Variants in ATXN10 observed in about 807,000 individuals in gnomAD.
ATXN10 encodes ataxin 10.
A neutral mutation model predicts 52.9 loss-of-function variants in ATXN10; 28 were observed. That is an observed-to-expected ratio of 0.53 (90% CI 0.39 to 0.73). The LOEUF (loss-of-function observed/expected upper bound fraction) is 0.73, where lower values mean the gene tolerates loss of function less well. Among genes scored for constraint, ATXN10 ranks in the 30% least tolerant of loss-of-function variants. The pLI, the probability that ATXN10 is intolerant of heterozygous loss-of-function variation, is 0.00. For missense variants in ATXN10, 565 were observed against 577.0 expected, an observed-to-expected ratio of 0.98 and a Z score of 0.21; for synonymous variants, 226 against 221.5, an observed-to-expected ratio of 1.02 and a Z score of -0.18.
At position 45,791,489 on chromosome 22, in the gene ATXN10, C is replaced by CA. The variant is rs907068300; in HGVS notation, c.1174-15462dup. On this transcript the variant is annotated intron_variant, in intron 9 of 11. Coordinates refer to ENST00000252934, the MANE Select transcript of ATXN10 (RefSeq NM_013236.4). The stretch of plus-strand genomic sequence containing the variant: ...AAAAGTTCTCTAGTTTTCTGATAAT[C>CA]AAAAAAAATCATAAATAGGGGCTAA... 1.4e-4 allele frequency among the ~76,000 whole-genome samples: 21 copies of CA among 151,432 alleles called. No individual in the cohort carries two copies. The South Asian group carries it at 1.5e-3, about 11-fold the overall frequency.
chr22:45,766,821 A>G lies in ATXN10; in HGVS notation c.1173+26283A>G, dbSNP rs1926598715. Among the ~76,000 whole-genome samples the G allele has an allele frequency of 6.6e-6, 1 of 152,252 alleles. No homozygotes were observed. The highest frequency in any genetic ancestry group is 2.1e-4 in the South Asian group (1 of 4,836). On this transcript the variant is annotated intron_variant, in intron 9 of 11. Transcript: ENST00000252934. This position sits in a 1 kb window ranked among gnomAD's most constrained non-coding sequence, Gnocchi z 4.6. ...AAAGAGTTTCCAAAAATAAAGGAAA[A>G]AACCAATAGCCCTACAGAAAAATGG... is the stretch of plus-strand genomic sequence containing the variant.
At chr22:45,776,687 GA>G (rs112621982) in intron 9 of ATXN10, among the ~76,000 whole-genome samples, 9,847 of 152,186 alleles carry the variant, frequency 0.065, 331 homozygotes, top group Non-Finnish European at 0.07. Context: ...TAGAGAAAAT[GA>G]AAATCATGCA....
intron 9 of ATXN10, among the ~76,000 whole-genome samples, chr22:45,761,770 T>G (rs1926399563): frequency 6.6e-6 from 1 of 152,242 alleles, no homozygotes; most frequent in South Asian, 2.1e-4. Flanking sequence ...AGTTGGTTAC[T>G]TTTCTAAATG....
At chr22:45,722,448 A>C (rs757365381) in intron 6 of ATXN10, among the ~76,000 whole-genome samples, 15 of 152,244 alleles carry the variant, frequency 9.9e-5, no homozygotes, top group Non-Finnish European at 2.1e-4. Flanking sequence ...CTGAGGTGAT[A>C]GTCAAACTTA....
intron 7 of ATXN10, among the ~76,000 whole-genome samples, chr22:45,730,982 C>A (rs1157828429): frequency 6.6e-6 from 1 of 152,208 alleles, no homozygotes; most frequent in Non-Finnish European, 1.5e-5. Flanking sequence ...ATTATTTAAA[C>A]TATTTTTTAT....
Position 45,763,725 on chromosome 22 carries a change from G to T in ATXN10, c.1173+23187G>T, listed in dbSNP as rs574179849. On this transcript the variant is annotated intron_variant, in intron 9 of 11. Coordinates refer to ENST00000252934, the MANE Select transcript of ATXN10 (RefSeq NM_013236.4). This position sits in a 1 kb window ranked among gnomAD's most constrained non-coding sequence, Gnocchi z 6.9. Reference sequence around the variant, plus strand: ...TACAGGCACATTTGTGGTTGGTTTTGTCTGCTCTGCTCTTCGCAACCCTAG... The same window carrying T: ...TACAGGCACATTTGTGGTTGGTTTTTTCTGCTCTGCTCTTCGCAACCCTAG... Among the ~76,000 whole-genome samples the T allele has an allele frequency of 6.6e-6, 1 of 152,226 alleles. No individual in the cohort carries two copies. The highest frequency in any genetic ancestry group is 2.1e-4 in the South Asian group (1 of 4,836).
At position 45,805,321 on chromosome 22, in the gene ATXN10, C is replaced by T. The variant is rs1429217868; in HGVS notation, c.1174-1638C>T. ...GGCTGTTCCTCAAATGTTTATAACT[C>T]ATATGATCTAGCAGTTTGACTCCTA... On this transcript the variant is annotated intron_variant, in intron 9 of 11. Coordinates refer to ENST00000252934, the MANE Select transcript of ATXN10 (RefSeq NM_013236.4). This position sits in a 1 kb window ranked among gnomAD's most constrained non-coding sequence, Gnocchi z 4.4. Among the ~76,000 whole-genome samples, 1 of 152,176 alleles carries T rather than the reference C, an allele frequency of 6.6e-6. No homozygotes were observed. Among genetic ancestry groups the T allele is most frequent in the Non-Finnish European group, 1.5e-5 (1 of 68,028 alleles).
chr22:45,808,668 C>G (rs1928182497), intron 10 of ATXN10, among the ~76,000 whole-genome samples: 1 of 152,216 alleles, frequency 6.6e-6, no homozygotes, highest in Admixed American at 6.5e-5. Context: ...GAGTCTCTAG[C>G]TTGCCCAGAG....
intron 3 of ATXN10, 114 bp downstream of exon 3, chr22:45,693,192 G>A: frequency 1.1e-6 from 1 of 882,534 alleles, no homozygotes; most frequent in Non-Finnish European, 1.8e-6. Context: ...CATGAGATAG[G>A]GAAACTTTAA....
rs1929338257 is a variant in ATXN10 at position 45,841,280 on chromosome 22, T to G, written c.1238-1711T>G. Among the ~76,000 whole-genome samples, 1 of 152,222 alleles carries G rather than the reference T, an allele frequency of 6.6e-6. No individual in the cohort carries two copies. The highest frequency in any genetic ancestry group is 2.1e-4 in the South Asian group (1 of 4,826). On this transcript the variant is annotated intron_variant, in intron 10 of 11. Coordinates refer to ENST00000252934, the MANE Select transcript of ATXN10 (RefSeq NM_013236.4). This position sits in a 1 kb window ranked among gnomAD's most constrained non-coding sequence, Gnocchi z 5.1. ...TCCCCACCATAGACAGATGACTGAT[T>G]ATAGAACCAGCATTAGCTGGGCACT...
At chr22:45,725,615 G>A (rs1924838338) in intron 6 of ATXN10, among the ~76,000 whole-genome samples, 1 of 152,034 alleles carries the variant, frequency 6.6e-6, no homozygotes, top group Non-Finnish European at 1.5e-5. Flanking sequence ...GGCAAACAGA[G>A]ATAGTTTGCC....
chr22:45,745,635 T>C (rs906141136), intron 9 of ATXN10, among the ~76,000 whole-genome samples: 3 of 152,376 alleles, frequency 2.0e-5, no homozygotes, highest in African/African-American at 7.2e-5. Context: ...GCAGGTTCAT[T>C]TATATACATA....
rs925969486 is a variant in ATXN10, at chr22:45,733,032, T to C, written c.894+3442T>C. Among the ~76,000 whole-genome samples, 1 of 152,250 alleles carries C rather than the reference T, an allele frequency of 6.6e-6. No individual in the cohort carries two copies. Among genetic ancestry groups the C allele is most frequent in the Non-Finnish European group, 1.5e-5 (1 of 68,040 alleles). The stretch of plus-strand genomic sequence containing the variant: ...ATAGTTTTGGGTTCTCATGTTAATG[T>C]ACTTATTCCTGTCTTTTGATATATT... On this transcript the variant is annotated intron_variant, in intron 7 of 11. Transcript: ENST00000252934. The surrounding 1 kb of genome is among the most constrained non-coding windows in gnomAD (Gnocchi z 4.4).
In ATXN10 at chr22:45,818,116, T is replaced by C. The variant is rs765839132; in HGVS notation, c.1237+11094T>C. ...AGACTGTACAAGTAAATATTCCAAG[T>C]TGTGCTCCTTCAGGTTTTGTCTACT... is the stretch of plus-strand genomic sequence containing the variant. On this transcript the variant is annotated intron_variant, in intron 10 of 11. Transcript: ENST00000252934. This position sits in a 1 kb window ranked among gnomAD's most constrained non-coding sequence, Gnocchi z 4.6. 4.4e-4 allele frequency among the ~76,000 whole-genome samples: 67 copies of C among 152,220 alleles called. No homozygotes were observed. The highest frequency in any genetic ancestry group is 8.5e-4 in the Non-Finnish European group (58 of 68,034).
rs544242523 is a variant in ATXN10 at position 45,766,625 on chromosome 22, G to A, written c.1173+26087G>A. On this transcript the variant is annotated intron_variant, in intron 9 of 11. Transcript: ENST00000252934. The surrounding 1 kb of genome is among the most constrained non-coding windows in gnomAD (Gnocchi z 4.6). ...TTAGGAGAAAACATGAATGAGTTCC[G>A]TTATATAACCTCCGAGTCTGGAAGC... 1.5e-4 allele frequency among the ~76,000 whole-genome samples: 23 copies of A among 152,156 alleles called. No individual in the cohort carries two copies. The highest frequency in any genetic ancestry group is 2.9e-4 in the Non-Finnish European group (20 of 68,024).
At chr22:45,689,464 A>T in intron 1 of ATXN10, 1 of 533,498 alleles carries the variant, frequency 1.9e-6, no homozygotes, top group Non-Finnish European at 3.4e-6. Flanking sequence ...AATGGAGAGG[A>T]CAGTGTTGGC....
chr22:45,695,088 T>G (rs1398484348), intron 3 of ATXN10, among the ~76,000 whole-genome samples: 1 of 151,894 alleles, frequency 6.6e-6, no homozygotes, highest in Non-Finnish European at 1.5e-5. Flanking sequence ...CCCAGCACTT[T>G]GGGAGGCTGA....
intron 9 of ATXN10, among the ~76,000 whole-genome samples, chr22:45,778,659 G>A (rs1178988834): frequency 6.6e-6 from 1 of 152,176 alleles, no homozygotes; most frequent in Non-Finnish European, 1.5e-5. Flanking sequence ...AGAGAGAGGA[G>A]CTTGTATGAA....
chr22:45,746,411 G>T (rs920380090), intron 9 of ATXN10, among the ~76,000 whole-genome samples: 1 of 151,762 alleles, frequency 6.6e-6, no homozygotes, highest in Admixed American at 6.6e-5. Context: ...ATTTCCTAAT[G>T]ATTTTATTTA....
Sources: gnomAD v4.1 joint callset for allele counts (sites outside exome capture counted in the v4.1 genomes callset) on GRCh38, gnomAD v4.1.1 for gene constraint, Gnocchi (gnomAD v3.1) non-coding constraint, MANE v1.5 for transcripts, NCBI Gene and HGNC (gene_info 2026-07-23, HGNC 2026-07-21) for gene names.